ADK: variants seen among roughly 807,000 people sequenced by gnomAD.
The protein encoded by ADK is adenosine kinase, also known as N6,N6-dimethyladenosine kinase.
In ADK, 24 loss-of-function variants were observed where a neutral mutation model predicts 44.7. The ratio of observed to expected loss-of-function variants is 0.54; its 90% confidence interval spans 0.39 to 0.76. The LOEUF (loss-of-function observed/expected upper bound fraction) is 0.76. Ranked by LOEUF, ADK falls within the 30% of genes least tolerant of loss-of-function variation. ADK has a pLI of 0.00. For missense variants in ADK, 321 were observed against 425.1 expected (o/e 0.76, Z 2.15); for synonymous variants, 128 against 142.6 (o/e 0.90, Z 0.73).
intron 9 of ADK, among the ~76,000 whole-genome samples, chr10:74,609,500 C>T (rs185154998): frequency 1.9e-3 from 292 of 152,206 alleles, no homozygotes; most frequent in South Asian, 2.7e-3. Context: ...AGGGAGTTCT[C>T]GACCCCTTGC....
At chr10:74,521,731 C>T (rs1005020934) in intron 6 of ADK, among the ~76,000 whole-genome samples, 1 of 152,096 alleles carries the variant, frequency 6.6e-6, no homozygotes, top group Admixed American at 6.6e-5. Flanking sequence ...ATAAACTGTT[C>T]GTTTTAATTC....
At chr10:74,702,383 C>A (rs1856454029) in intron 10 of ADK, among the ~76,000 whole-genome samples, 1 of 151,794 alleles carries the variant, frequency 6.6e-6, no homozygotes, top group Admixed American at 6.6e-5. Context: ...AGGGTTTCAT[C>A]ATATTGACCA....
chr10:74,231,666 A>AT (rs1844769596), intron 3 of ADK, among the ~76,000 whole-genome samples: 1 of 152,036 alleles, frequency 6.6e-6, no homozygotes, highest in Admixed American at 6.6e-5. Flanking sequence ...GGGTCTTGCC[A>AT]TGTTGTCCAG....
intron 7 of ADK, among the ~76,000 whole-genome samples, chr10:74,562,142 G>GA (rs1210426820): frequency 2.0e-5 from 3 of 152,190 alleles, no homozygotes; most frequent in Non-Finnish European, 4.4e-5. Flanking sequence ...GTAGAAAAGT[G>GA]AGACAGGGAA....
intron 7 of ADK, among the ~76,000 whole-genome samples, chr10:74,587,237 C>T (rs1296077427): frequency 6.6e-6 from 1 of 152,250 alleles, no homozygotes; most frequent in South Asian, 2.1e-4. Context: ...TTGATATCAC[C>T]GCCAGCAAAT....
intron 1 of ADK, among the ~76,000 whole-genome samples, chr10:74,182,495 A>C (rs1463670533): frequency 6.6e-6 from 1 of 152,068 alleles, no homozygotes; most frequent in Non-Finnish European, 1.5e-5. Context: ...CAGCCTCCTG[A>C]GTAGCTGGAA....
intron 3 of ADK, among the ~76,000 whole-genome samples, chr10:74,282,031 G>A (rs1033426836): frequency 3.3e-5 from 5 of 151,832 alleles, no homozygotes; most frequent in Admixed American, 6.6e-5. Context: ...TTTTTTATGT[G>A]TGACTTTTCT....
At chr10:74,374,053 C>T (rs1842749575) in intron 4 of ADK, among the ~76,000 whole-genome samples, 1 of 152,058 alleles carries the variant, frequency 6.6e-6, no homozygotes, top group African/African-American at 2.4e-5. Context: ...TTTTATGATT[C>T]CATGTCTGAG....
chr10:74,303,429 G>A (rs982500387), intron 3 of ADK, among the ~76,000 whole-genome samples: 5 of 151,718 alleles, frequency 3.3e-5, no homozygotes. Context: ...TACCCTTCAG[G>A]CTATTCTTTA....
chr10:74,700,127 T>C (rs1394272149), intron 10 of ADK, among the ~76,000 whole-genome samples: 1 of 152,212 alleles, frequency 6.6e-6, no homozygotes, highest in Admixed American at 6.5e-5. Flanking sequence ...GGAAACTATG[T>C]AAATGCCCAC....
rs565539118 is a variant in ADK at position 74,569,388 on chromosome 10, C to T, written c.727-19894C>T. ...CAATGGTTGAACTAGTTTACAGTCC[C>T]ACCAACAGTGTGAAAGTGTTTCTAT... is the stretch of plus-strand genomic sequence containing the variant. On this transcript the variant is annotated intron_variant, in intron 7 of 10. Coordinates refer to ENST00000539909, the MANE Select transcript of ADK (RefSeq NM_006721.4). Among the ~76,000 whole-genome samples, 13 of 152,304 alleles carry T rather than the reference C, an allele frequency of 8.5e-5. No homozygotes were observed. The South Asian group carries it at 1.7e-3, about 19-fold the overall frequency.
At chr10:74,466,532 A>T (rs1226482904) in intron 6 of ADK, among the ~76,000 whole-genome samples, 2 of 152,162 alleles carry the variant, frequency 1.3e-5, no homozygotes, top group Non-Finnish European at 2.9e-5. Context: ...GGAAAAGCTG[A>T]ATTCATACAC....
chr10:74,594,054 G>C (rs1333014746), intron 8 of ADK, among the ~76,000 whole-genome samples: 1 of 152,094 alleles, frequency 6.6e-6, no homozygotes, highest in Non-Finnish European at 1.5e-5. Flanking sequence ...GATGAAGCTA[G>C]AAACTATCAT....
intron 6 of ADK, among the ~76,000 whole-genome samples, chr10:74,516,372 C>T (rs1356447015): frequency 2.0e-5 from 3 of 152,128 alleles, no homozygotes; most frequent in African/African-American, 4.8e-5. Flanking sequence ...TCTATCAGTG[C>T]ACCCCACTAC....
intron 3 of ADK, among the ~76,000 whole-genome samples, chr10:74,225,990 A>G (rs1171371056): frequency 6.6e-6 from 1 of 152,196 alleles, no homozygotes; most frequent in East Asian, 1.9e-4. Context: ...TTTAAAGAAT[A>G]TGTTATTTAA....
At chr10:74,366,427 C>CT (rs958243141) in intron 4 of ADK, among the ~76,000 whole-genome samples, 3 of 152,028 alleles carry the variant, frequency 2.0e-5, no homozygotes, top group East Asian at 1.9e-4. Flanking sequence ...GTGATGTTTA[C>CT]TTTTTAAAAA....
chr10:74,611,566 A>G (rs1165589456), intron 9 of ADK, among the ~76,000 whole-genome samples: 1 of 151,502 alleles, frequency 6.6e-6, no homozygotes, highest in African/African-American at 2.4e-5. Flanking sequence ...TATATTACAT[A>G]AGGCTGGGGT....
intron 7 of ADK, chr10:74,528,022 G>C (rs1849124967): frequency 1.2e-6 from 1 of 857,622 alleles, no homozygotes; most frequent in Non-Finnish European, 2.0e-6. Flanking sequence ...GAGGGAATTT[G>C]TATTCGGCAA....
intron 3 of ADK, among the ~76,000 whole-genome samples, chr10:74,280,238 G>C (rs754834655): frequency 2.0e-5 from 3 of 151,958 alleles, no homozygotes; most frequent in Non-Finnish European, 4.4e-5. Context: ...AAGTAGCTGG[G>C]ACTACAGGCA....
Sources: gnomAD v4.1 joint callset for allele counts (sites outside exome capture counted in the v4.1 genomes callset) on GRCh38, gnomAD v4.1.1 for gene constraint, MANE v1.5 for transcripts, NCBI Gene and HGNC (gene_info 2026-07-23, HGNC 2026-07-21) for gene names.